ASXL2: variants seen among roughly 807,000 people sequenced by gnomAD.
ASXL2 encodes ASXL transcriptional regulator 2.
ASXL2 carries 23 observed loss-of-function variants against 122.0 expected under a neutral mutation model. The observed-to-expected ratio is 0.19, with a 90% CI of 0.14 to 0.27. The LOEUF (loss-of-function observed/expected upper bound fraction) is 0.27, where lower values mean the gene tolerates loss of function less well. Among genes scored for constraint, ASXL2 ranks in the 10% least tolerant of loss-of-function variants. The pLI is 1.00. For missense variants in ASXL2, 1,518 were observed against 1,713.8 expected, an observed-to-expected ratio of 0.89 and a Z score of 2.02; for synonymous variants, 650 against 637.0, an observed-to-expected ratio of 1.02 and a Z score of -0.31.
At chr2:25,872,867 C>T (rs1054936971) in intron 1 of ASXL2, among the ~76,000 whole-genome samples, 16 of 152,080 alleles carry the variant, frequency 1.1e-4, no homozygotes, top group Non-Finnish European at 7.4e-5. Flanking sequence ...TTAGCCCAGA[C>T]GGTTTCTCAG....
chr2:25,768,805 A>G lies in ASXL2; in HGVS notation c.568T>C (p.Ser190Pro). The G allele has an allele frequency of 1.2e-6, 2 of 1,613,868 alleles. No individual in the cohort carries two copies. The highest frequency in any genetic ancestry group is 1.7e-6 in the Non-Finnish European group (2 of 1,179,798). Residue 190 changes from serine (S) to proline (P), a missense_variant, in exon 7 of 13, where the codon TCC (serine) becomes CCC (proline). Around this residue, in one of 8 missense-constraint regions of ASXL2, gnomAD observed 198 missense variants for 209.0 expected, o/e 0.95. Transcript: ENST00000435504. ...QQCRPSISIS[S>P]NQHLSLKTVK... ...GTCTTTAGTGAGAGATGCTGGTTGG[A>G]GGAGATGGATATGCTTGGCCTGCAT...
At chr2:25,791,172 T>C (rs560321558) in intron 5 of ASXL2, among the ~76,000 whole-genome samples, 1 of 152,054 alleles carries the variant, frequency 6.6e-6, no homozygotes, top group South Asian at 2.1e-4. Flanking sequence ...TTCTCTCTCT[T>C]ATCTATACCT....
At chr2:25,827,751 C>T (rs2089395237) in intron 3 of ASXL2, among the ~76,000 whole-genome samples, 3 of 152,044 alleles carry the variant, frequency 2.0e-5, no homozygotes, top group South Asian at 4.1e-4. Context: ...TTTAAACAAG[C>T]AGCTTGGGGT....
chr2:25,836,324 T>G (rs1243045504), intron 2 of ASXL2, among the ~76,000 whole-genome samples: 1 of 152,204 alleles, frequency 6.6e-6, no homozygotes, highest in Admixed American at 6.5e-5. Flanking sequence ...ATGTTCTTCA[T>G]TCTAAAACTA....
At chr2:25,750,488 T>C (rs1427685971) in intron 11 of ASXL2, 75 bp from the exon 12 acceptor site, 6 of 1,316,162 alleles carry the variant, frequency 4.6e-6, no homozygotes, top group South Asian at 2.9e-5. Flanking sequence ...ATAGAGATAA[T>C]GGAAGATGAC....
At chr2:25,822,869 G>A in intron 3 of ASXL2, 1 of 551,452 alleles carries the variant, frequency 1.8e-6, no homozygotes, top group South Asian at 1.4e-5. Flanking sequence ...GTGGTGAAGA[G>A]GATGCAGATT....
At chr2:25,842,919 T>A (rs2089604125) in intron 2 of ASXL2, among the ~76,000 whole-genome samples, 2 of 151,508 alleles carry the variant, frequency 1.3e-5, no homozygotes, top group Admixed American at 6.6e-5. Flanking sequence ...CCTCCCAGGT[T>A]CCAGCTATTC....
At position 25,743,985 on chromosome 2, in the gene ASXL2, G is replaced by A. The variant is rs1486734422; in HGVS notation, c.2352C>T (p.Ala784=). 8.1e-6 allele frequency: 13 copies of A among 1,613,934 alleles called. No individual in the cohort carries two copies. The highest frequency in any genetic ancestry group is 8.5e-6 in the Non-Finnish European group (10 of 1,179,872). ...QQTPPVPPTP[A]VSGACTSVPS... Reference sequence around the variant, plus strand: ...GGACACTTGTGCATGCTCCACTGACGGCAGGTGTTGGAGGCACTGGGGGGG... The same window carrying A: ...GGACACTTGTGCATGCTCCACTGACAGCAGGTGTTGGAGGCACTGGGGGGG... Residue 784 remains alanine, a synonymous_variant, in exon 13 of 13, where the codon GCC becomes GCT. Coordinates refer to ENST00000435504, the MANE Select transcript of ASXL2 (RefSeq NM_018263.6).
At chr2:25,799,585 C>G (rs757227796) in intron 4 of ASXL2, 50 bp from the exon 5 acceptor site, 7 of 1,539,502 alleles carry the variant, frequency 4.5e-6, no homozygotes, top group Non-Finnish European at 6.1e-6. Context: ...TTTAAGCAAA[C>G]AGAAATTAAA....
intron 4 of ASXL2, among the ~76,000 whole-genome samples, chr2:25,799,981 A>C (rs2088970550): frequency 1.3e-5 from 1 of 77,764 alleles, no homozygotes; most frequent in Admixed American, 1.1e-4. Flanking sequence ...CCGTCTCTAC[A>C]AAAAAAAAAT....
intron 1 of ASXL2, among the ~76,000 whole-genome samples, chr2:25,850,560 C>T (rs2149195715): frequency 6.6e-6 from 1 of 152,246 alleles, no homozygotes; most frequent in Admixed American, 6.5e-5. Flanking sequence ...TGGTATACTT[C>T]CTACCACACC....
chr2:25,843,380 C>T (rs930442047), intron 2 of ASXL2, among the ~76,000 whole-genome samples: 2 of 151,328 alleles, frequency 1.3e-5, no homozygotes, highest in African/African-American at 4.9e-5. Context: ...CTCAGGTGAT[C>T]GGCCTGCCTC....
At chr2:25,772,012 A>G (rs1427365032) in intron 5 of ASXL2, among the ~76,000 whole-genome samples, 1 of 152,192 alleles carries the variant, frequency 6.6e-6, no homozygotes, top group Non-Finnish European at 1.5e-5. Context: ...TTAAATCAAC[A>G]GTTACAGGCT....
At chr2:25,786,375 G>T (rs2088746732) in intron 5 of ASXL2, among the ~76,000 whole-genome samples, 1 of 151,402 alleles carries the variant, frequency 6.6e-6, no homozygotes, top group African/African-American at 2.4e-5. Flanking sequence ...CAGGTAGCTG[G>T]GACTACAGGC....
chr2:25,793,975 AAAAGAG>A (rs1474066593), intron 5 of ASXL2, among the ~76,000 whole-genome samples: 1 of 152,192 alleles, frequency 6.6e-6, no homozygotes, highest in Non-Finnish European at 1.5e-5. Flanking sequence ...ACCTCAGAGG[AAAAGAG>A]AAAATCTCCT....
chr2:25,788,350 C>A (rs2088780046), intron 5 of ASXL2, among the ~76,000 whole-genome samples: 1 of 152,188 alleles, frequency 6.6e-6, no homozygotes, highest in African/African-American at 2.4e-5. Flanking sequence ...AAACATCCAC[C>A]AGTACCCAAA....
In ASXL2 at chr2:25,741,905, C is replaced by G; in HGVS notation, c.*124G>C. On this transcript the variant is annotated 3_prime_UTR_variant, in exon 13 of 13. Transcript: ENST00000435504. ...GTACTTTGTATTCCTGATTAAGTAA[C>G]ATTTGTCTCTGAAGACAACTGAAAC... 1.1e-6 allele frequency: 1 copy of G among 915,546 alleles called. No individual in the cohort carries two copies. The highest frequency in any genetic ancestry group is 1.8e-5 in the South Asian group (1 of 55,946). The allele number at this position is 915,546 out of a possible 1,614,324, so 56.7% of individuals were successfully genotyped here.
intron 5 of ASXL2, among the ~76,000 whole-genome samples, chr2:25,790,531 A>G (rs895149990): frequency 2.6e-5 from 4 of 152,148 alleles, no homozygotes; most frequent in Non-Finnish European, 5.9e-5. Context: ...ATAATCCCTT[A>G]TACTTCTCTA....
chr2:25,816,237 CAAA>C (rs372559324), intron 3 of ASXL2, among the ~76,000 whole-genome samples: 3 of 126,962 alleles, frequency 2.4e-5, no homozygotes, highest in Non-Finnish European at 3.3e-5. Flanking sequence ...GCCTCCATCT[CAAA>C]AAAAAAAAAA....
Sources: allele counts gnomAD v4.1 joint callset (sites outside exome capture counted in the v4.1 genomes callset), GRCh38; gene constraint gnomAD v4.1.1; regional missense constraint gnomAD v4.1.1; transcripts MANE v1.5; gene names NCBI Gene and HGNC (gene_info 2026-07-23, HGNC 2026-07-21).